Variants in GCNT2 observed in about 807,000 individuals in gnomAD.
The protein encoded by GCNT2 is glucosaminyl (N-acetyl) transferase 2 (I blood group).
Under a neutral mutation model 34.2 loss-of-function variants are expected in GCNT2, and 34 were observed. The ratio of observed to expected loss-of-function variants is 1.00; its 90% CI spans 0.76 to 1.32. The LOEUF (loss-of-function observed/expected upper bound fraction) is 1.32, where lower values mean the gene tolerates loss of function less well. Among genes scored for constraint, GCNT2 ranks in the 40% most tolerant of loss-of-function variants. The probability of loss-of-function intolerance (pLI) is 0.00; values close to 1 mark genes in which losing one functional copy is unlikely to be tolerated. For missense variants in GCNT2, 584 were observed against 489.4 expected (o/e 1.19, Z -1.82); for synonymous variants, 212 against 188.0 (o/e 1.13, Z -1.04).
intron 1 of GCNT2, among the ~76,000 whole-genome samples, chr6:10,524,940 T>C (rs1761116516): frequency 6.6e-6 from 1 of 151,868 alleles, no homozygotes; most frequent in Non-Finnish European, 1.5e-5. Context: ...TGAGACTGCA[T>C]CAGGCTTTCA....
At chr6:10,559,546 A>G (rs1762877132) in intron 3 of GCNT2, among the ~76,000 whole-genome samples, 1 of 152,236 alleles carries the variant, frequency 6.6e-6, no homozygotes, top group Non-Finnish European at 1.5e-5. Flanking sequence ...TGCAGAAGAC[A>G]CAATGCCTAG....
chr6:10,566,687 C>T (rs1462278908), intron 3 of GCNT2, among the ~76,000 whole-genome samples: 11 of 152,244 alleles, frequency 7.2e-5, no homozygotes, highest in Admixed American at 3.3e-4. Context: ...TCTGTTTACA[C>T]TTAGCATACC....
chr6:10,547,635 A>AT (rs1214680908), intron 3 of GCNT2, among the ~76,000 whole-genome samples: 1 of 152,190 alleles, frequency 6.6e-6, no homozygotes, highest in African/African-American at 2.4e-5. Flanking sequence ...AAGTGTTTTT[A>AT]TTTATTACTA....
intron 3 of GCNT2, among the ~76,000 whole-genome samples, chr6:10,543,798 TCACTGAGGA>T (rs1762143230): frequency 6.6e-6 from 1 of 152,162 alleles, no homozygotes; most frequent in Non-Finnish European, 1.5e-5. Flanking sequence ...ATTGTTGCAA[TCACTGAGGA>T]CACTGAGATA....
At chr6:10,574,529 C>T (rs1283081796) in intron 3 of GCNT2, among the ~76,000 whole-genome samples, 1 of 152,146 alleles carries the variant, frequency 6.6e-6, no homozygotes, top group Non-Finnish European at 1.5e-5. Context: ...CACACTTCCT[C>T]ATCTGGAAAA....
intron 3 of GCNT2, among the ~76,000 whole-genome samples, chr6:10,613,255 C>T (rs191855803): frequency 6.6e-6 from 1 of 152,202 alleles, no homozygotes; most frequent in East Asian, 1.9e-4. Context: ...GGCTGAGCCC[C>T]AAGAAAAACA....
chr6:10,569,273 ACC>A lies in GCNT2; in HGVS notation c.925+39441_925+39442del, dbSNP rs34434391. On this transcript the variant is annotated intron_variant, in intron 3 of 4. Transcript: ENST00000495262. ...CACACACACACACACACACACACAC[ACC>A]CCCTAGGTAATTTTGCCAAATCCTG... 2.2e-3 allele frequency among the ~76,000 whole-genome samples: 312 copies of A among 139,686 alleles called. 12 individuals are homozygous for A. The highest frequency in any genetic ancestry group is 7.1e-3 in the Middle Eastern group (2 of 280). 91.6% of individuals were successfully genotyped at this position (139,686 alleles called of 152,430 possible).
intron 3 of GCNT2, chr6:10,557,447 CAT>C: frequency 2.3e-6 from 2 of 883,196 alleles, no homozygotes; most frequent in East Asian, 4.8e-5. Context: ...AAAACTGGAA[CAT>C]ATATAGTTCT....
At chr6:10,564,381 G>A (rs998583738) in intron 3 of GCNT2, among the ~76,000 whole-genome samples, 17 of 152,184 alleles carry the variant, frequency 1.1e-4, no homozygotes, top group Non-Finnish European at 2.4e-4. Flanking sequence ...ACCATTCTCT[G>A]TTAGCTCAGA....
intron 3 of GCNT2, among the ~76,000 whole-genome samples, chr6:10,604,948 T>C: frequency 6.6e-6 from 1 of 151,934 alleles, no homozygotes; most frequent in Non-Finnish European, 1.5e-5. Context: ...CAGGTATTCC[T>C]AGCCCAGGCA....
chr6:10,531,722 G>A (rs565888232), intron 3 of GCNT2, among the ~76,000 whole-genome samples: 1 of 152,256 alleles, frequency 6.6e-6, no homozygotes, highest in African/African-American at 2.4e-5. Flanking sequence ...GAATTGTAGT[G>A]TCCAGAGTAA....
At chr6:10,624,624 G>A (rs999915418) in intron 4 of GCNT2, among the ~76,000 whole-genome samples, 3 of 152,102 alleles carry the variant, frequency 2.0e-5, no homozygotes, top group African/African-American at 7.2e-5. Context: ...TCTCAAAAGC[G>A]ACCATTTCAA....
chr6:10,578,742 G>A (rs548365914), intron 3 of GCNT2, among the ~76,000 whole-genome samples: 5 of 152,088 alleles, frequency 3.3e-5, no homozygotes, highest in East Asian at 1.9e-4. Flanking sequence ...CACTGCGCCC[G>A]GCCCGGAGCT....
intron 4 of GCNT2, among the ~76,000 whole-genome samples, chr6:10,623,200 G>A (rs1056781438): frequency 4.0e-5 from 6 of 151,242 alleles, no homozygotes; most frequent in Middle Eastern, 3.4e-3. Flanking sequence ...TCATGCAACT[G>A]TAAAGAAATT....
In GCNT2 at chr6:10,522,768, C is replaced by A. The variant is rs1043037372; in HGVS notation, c.-469+1351C>A. 3.3e-5 allele frequency among the ~76,000 whole-genome samples: 5 copies of A among 152,098 alleles called. No individual in the cohort carries two copies. The East Asian group carries it at 9.6e-4, about 29-fold the overall frequency. On this transcript the variant is annotated intron_variant, in intron 1 of 4. Transcript: ENST00000495262. ...CAAGGACTTTCTGAGCGATAGAGGTCGGGAGGGTAAGAGCAAAACTCCATC... is the reference window on the plus strand; with the variant it reads ...CAAGGACTTTCTGAGCGATAGAGGTAGGGAGGGTAAGAGCAAAACTCCATC...
chr6:10,620,167 G>C (rs1450092184), intron 3 of GCNT2, among the ~76,000 whole-genome samples: 1 of 152,210 alleles, frequency 6.6e-6, no homozygotes, highest in Non-Finnish European at 1.5e-5. Context: ...GTGTGTGTTT[G>C]AGGGAGTGAG....
At chr6:10,604,174 G>A (rs2127430244) in intron 3 of GCNT2, among the ~76,000 whole-genome samples, 1 of 152,262 alleles carries the variant, frequency 6.6e-6, no homozygotes, top group Admixed American at 6.5e-5. Context: ...TGGGATTACA[G>A]ACGTGAGCCA....
intron 3 of GCNT2, among the ~76,000 whole-genome samples, chr6:10,583,137 A>AT (rs748257188): frequency 3.9e-4 from 59 of 152,308 alleles, no homozygotes; most frequent in South Asian, 1.5e-3. Context: ...ATCTGTAAAA[A>AT]TAACGGGGTT....
intron 3 of GCNT2, among the ~76,000 whole-genome samples, chr6:10,533,277 G>A (rs950158484): frequency 3.3e-5 from 5 of 151,904 alleles, no homozygotes; most frequent in South Asian, 2.1e-4. Context: ...CTGCACTCGC[G>A]TCTGGGCGAC....
Sources: allele counts gnomAD v4.1 joint callset (sites outside exome capture counted in the v4.1 genomes callset), GRCh38; gene constraint gnomAD v4.1.1; transcripts MANE v1.5; gene names NCBI Gene and HGNC (gene_info 2026-07-23, HGNC 2026-07-21).